CPQ: variants seen among roughly 807,000 people sequenced by gnomAD.
The protein encoded by CPQ is Ser-Met dipeptidase.
In CPQ, 37 loss-of-function variants were observed where a neutral mutation model predicts 45.7. The observed-to-expected ratio is 0.81, with a 90% CI of 0.62 to 1.07. The LOEUF is 1.07. Ranked by LOEUF, CPQ falls within the 50% of genes least tolerant of loss-of-function variation. The pLI is 0.00. For missense variants in CPQ, 537 were observed against 572.9 expected, an observed-to-expected ratio of 0.94 and a Z score of 0.64; for synonymous variants, 186 against 205.8, an observed-to-expected ratio of 0.90 and a Z score of 0.82.
At chr8:97,138,913 G>A (rs1812107175) in intron 7 of CPQ, among the ~76,000 whole-genome samples, 1 of 151,580 alleles carries the variant, frequency 6.6e-6, no homozygotes, top group South Asian at 2.1e-4. Context: ...AAAGGAATGA[G>A]AGAAGGGAAA....
At chr8:96,915,245 C>T (rs1452519251) in intron 4 of CPQ, among the ~76,000 whole-genome samples, 1 of 152,032 alleles carries the variant, frequency 6.6e-6, no homozygotes, top group Non-Finnish European at 1.5e-5. Context: ...TTTTTCCGTG[C>T]CTCTCCTGTG....
chr8:96,897,642 ATAAAT>A (rs1401820623), intron 4 of CPQ, among the ~76,000 whole-genome samples: 1 of 152,236 alleles, frequency 6.6e-6, no homozygotes, highest in Admixed American at 6.5e-5. Flanking sequence ...TATAAGAAAC[ATAAAT>A]TAATTTTGTG....
intron 6 of CPQ, among the ~76,000 whole-genome samples, chr8:97,030,860 A>C (rs1809889066): frequency 6.6e-6 from 1 of 152,180 alleles, no homozygotes; most frequent in African/African-American, 2.4e-5. Context: ...AAGTAAGCTA[A>C]GGAAAATGGA....
chr8:96,969,737 C>G (rs1052897721), intron 5 of CPQ, among the ~76,000 whole-genome samples: 1 of 152,020 alleles, frequency 6.6e-6, no homozygotes, highest in African/African-American at 2.4e-5. Flanking sequence ...CACTTTTTAC[C>G]TGATATATTT....
chr8:97,037,723 C>G (rs1810027885), intron 6 of CPQ, among the ~76,000 whole-genome samples: 1 of 152,096 alleles, frequency 6.6e-6, no homozygotes, highest in Admixed American at 6.6e-5. Context: ...AAAGGATTGT[C>G]TTTTGAGTTT....
intron 5 of CPQ, among the ~76,000 whole-genome samples, chr8:96,988,837 T>A (rs1242231276): frequency 1.3e-5 from 2 of 152,244 alleles, no homozygotes; most frequent in Non-Finnish European, 2.9e-5. Context: ...TCTTAAATGC[T>A]TTCCCTTGTT....
At chr8:96,680,877 A>C (rs1404659051) in intron 1 of CPQ, among the ~76,000 whole-genome samples, 1 of 152,176 alleles carries the variant, frequency 6.6e-6, no homozygotes, top group Non-Finnish European at 1.5e-5. Flanking sequence ...CTTGTTGGGA[A>C]CTGAAGCAAA....
intron 5 of CPQ, among the ~76,000 whole-genome samples, chr8:97,019,154 C>T (rs753653337): frequency 6.6e-5 from 10 of 152,180 alleles, no homozygotes; most frequent in Admixed American, 2.0e-4. Flanking sequence ...AAGAAAGATA[C>T]AGCCTTTTTC....
At chr8:97,089,819 G>T (rs965259610) in intron 7 of CPQ, among the ~76,000 whole-genome samples, 36 of 152,162 alleles carry the variant, frequency 2.4e-4, no homozygotes, top group African/African-American at 8.4e-4. Context: ...ATTCAATGTG[G>T]TTAACAATCT....
At chr8:96,781,866 G>A (rs1016214387) in intron 1 of CPQ, among the ~76,000 whole-genome samples, 3 of 152,176 alleles carry the variant, frequency 2.0e-5, no homozygotes, top group African/African-American at 7.2e-5. Flanking sequence ...GGCAAGGAAG[G>A]GGTAACTGGT....
chr8:96,710,494 T>C (rs1002649128), intron 1 of CPQ, among the ~76,000 whole-genome samples: 1 of 152,184 alleles, frequency 6.6e-6, no homozygotes, highest in African/African-American at 2.4e-5. Context: ...GACCTATAAT[T>C]TTCCTCTTAG....
Position 96,987,004 on chromosome 8 carries a change from T to C in CPQ, c.961+20958T>C, listed in dbSNP as rs529644020. Among the ~76,000 whole-genome samples, 25 of 151,802 alleles carry C rather than the reference T, an allele frequency of 1.6e-4. No homozygotes were observed. In the East Asian group the frequency reaches 4.7e-3, roughly 28 times the overall value. On this transcript the variant is annotated intron_variant, in intron 5 of 7. Transcript: ENST00000220763. ...TAGTGGCCCTGAATGGAGCAGGGAGTAGGTTCCTGAATGGGCACAGGTAGG... is the reference window on the plus strand; with the variant it reads ...TAGTGGCCCTGAATGGAGCAGGGAGCAGGTTCCTGAATGGGCACAGGTAGG...
chr8:96,681,182 A>G (rs1222818815), intron 1 of CPQ, among the ~76,000 whole-genome samples: 1 of 152,242 alleles, frequency 6.6e-6, no homozygotes, highest in Non-Finnish European at 1.5e-5. Context: ...TCCTAATGTT[A>G]ATCCCCAAAA....
intron 1 of CPQ, among the ~76,000 whole-genome samples, chr8:96,758,332 A>G (rs987218917): frequency 2.6e-5 from 4 of 152,186 alleles, no homozygotes; most frequent in Admixed American, 1.3e-4. Context: ...TGTAAACTCT[A>G]TGGGTAATCA....
chr8:96,760,061 C>T (rs529132729), intron 1 of CPQ, among the ~76,000 whole-genome samples: 1 of 152,280 alleles, frequency 6.6e-6, no homozygotes, highest in East Asian at 1.9e-4. Context: ...GCCCTAGCCA[C>T]GTGGGTCCCT....
chr8:97,012,021 T>C (rs1238250939), intron 5 of CPQ, among the ~76,000 whole-genome samples: 1 of 152,188 alleles, frequency 6.6e-6, no homozygotes, highest in Non-Finnish European at 1.5e-5. Flanking sequence ...ACTACAATGA[T>C]GTGGGTGATG....
At chr8:97,114,622 T>C (rs1811551779) in intron 7 of CPQ, among the ~76,000 whole-genome samples, 1 of 152,198 alleles carries the variant, frequency 6.6e-6, no homozygotes, top group Non-Finnish European at 1.5e-5. Context: ...CTCATCCTAA[T>C]GCATTAAACT....
At chr8:96,756,335 T>C (rs1810326832) in intron 1 of CPQ, among the ~76,000 whole-genome samples, 1 of 152,168 alleles carries the variant, frequency 6.6e-6, no homozygotes, top group African/African-American at 2.4e-5. Context: ...GCATTCTCTA[T>C]GTCTTCCTTT....
chr8:96,789,770 A>AT (rs1484134504), intron 2 of CPQ, among the ~76,000 whole-genome samples: 1 of 152,140 alleles, frequency 6.6e-6, no homozygotes. Flanking sequence ...AGAATAGCTT[A>AT]TTTTTTAGCC....
Sources: allele counts gnomAD v4.1 joint callset (sites outside exome capture counted in the v4.1 genomes callset), GRCh38; gene constraint gnomAD v4.1.1; transcripts MANE v1.5; gene names NCBI Gene and HGNC (gene_info 2026-07-23, HGNC 2026-07-21).